Variants in CTDP1 observed in about 807,000 individuals in gnomAD.
CTDP1 encodes RNA polymerase II subunit A C-terminal domain phosphatase.
Under a neutral mutation model 91.8 loss-of-function variants are expected in CTDP1, and 47 were observed. The ratio of observed to expected loss-of-function variants is 0.51; its 90% CI spans 0.41 to 0.65. The LOEUF (loss-of-function observed/expected upper bound fraction) is 0.65. CTDP1 is among the 30% of genes least tolerant of loss of function. CTDP1 has a pLI of 0.00. For missense variants in CTDP1, 1,272 were observed against 1,373.7 expected, an observed-to-expected ratio of 0.93 and a Z score of 1.17; for synonymous variants, 656 against 598.5, an observed-to-expected ratio of 1.10 and a Z score of -1.40.
intron 7 of CTDP1, among the ~76,000 whole-genome samples, chr18:79,714,285 A>T (rs573351691): frequency 1.5e-4 from 23 of 152,266 alleles, no homozygotes; most frequent in Admixed American, 5.2e-4. Context: ...TCAGAAAAAA[A>T]TTCAATATCC....
chr18:79,736,862 TGA>T (rs1199357265), intron 12 of CTDP1, among the ~76,000 whole-genome samples: 2 of 144,608 alleles, frequency 1.4e-5, no homozygotes, highest in East Asian at 2.1e-4. Flanking sequence ...CAGGCGTGTG[TGA>T]GGTATCTACA....
intron 8 of CTDP1, among the ~76,000 whole-genome samples, chr18:79,715,793 C>T (rs1410556311): frequency 6.6e-6 from 1 of 152,178 alleles, no homozygotes; most frequent in Non-Finnish European, 1.5e-5. Flanking sequence ...TGGAGTAAGC[C>T]ATGGCCGGGT....
At chr18:79,756,131 C>G (rs1017164749), downstream of CTDP1, 4 of 152,580 alleles carry the variant, frequency 2.6e-5, no homozygotes, top group African/African-American at 9.6e-5. Flanking sequence ...GTGCTGCACA[C>G]CTTCTCCGTC....
chr18:79,729,140 C>T lies in CTDP1; in HGVS notation c.2580+71C>T, dbSNP rs573423987. On this transcript the variant is annotated intron_variant, in intron 11 of 12. Coordinates refer to ENST00000613122, the MANE Select transcript of CTDP1 (RefSeq NM_004715.5). ...GGGCCGCAGAGCTCTGGTGTGCGGG[C>T]GGATTGCTGAGCTGTGCACCTGGAG... is the stretch of plus-strand genomic sequence containing the variant. The T allele has an allele frequency of 4.4e-5, 70 of 1,596,248 alleles. No individual in the cohort carries two copies. The African/African-American group carries it at 4.7e-4, about 11-fold the overall frequency.
chr18:79,710,686 A>ATTTTTTTTTTTTTTTTT (rs11306504), intron 6 of CTDP1, among the ~76,000 whole-genome samples: 2 of 88,502 alleles, frequency 2.3e-5, no homozygotes, highest in Non-Finnish European at 4.0e-5. Flanking sequence ...TCGCCCGGCA[A>ATTTTTTTTTTTTTTTTT]TTTTTTTTTT....
At chr18:79,681,744 C>G (rs931521267) in intron 1 of CTDP1, among the ~76,000 whole-genome samples, 7 of 152,128 alleles carry the variant, frequency 4.6e-5, no homozygotes, top group African/African-American at 1.4e-4. Context: ...TCAGATGGAG[C>G]GTCTGTGTGG....
intron 1 of CTDP1, 52 bp from the exon 2 acceptor site, chr18:79,695,171 CTT>C (rs2085721351): frequency 6.4e-7 from 1 of 1,553,458 alleles, no homozygotes; most frequent in South Asian, 1.1e-5. Flanking sequence ...CTTGGGGGCT[CTT>C]TTGATAAACC....
chr18:79,701,899 T>C (rs1345856786), intron 4 of CTDP1, among the ~76,000 whole-genome samples: 1 of 152,224 alleles, frequency 6.6e-6, no homozygotes, highest in Non-Finnish European at 1.5e-5. Context: ...ATGACTGAAC[T>C]GCGGCAACTT....
Position 79,736,479 on chromosome 18 carries a change from C to G in CTDP1, c.2705C>G (p.Pro902Arg). The G allele has an allele frequency of 6.5e-7, 1 of 1,548,350 alleles. No homozygotes were observed. The highest frequency in any genetic ancestry group is 8.7e-7 in the Non-Finnish European group (1 of 1,146,638). Residue 902 changes from proline (P) to arginine (R), a missense_variant, in exon 12 of 13, where the codon CCT becomes CGT. Pro to Arg is a moderately radical substitution (Grantham distance 103). Around this residue, in one of 3 missense-constraint regions of CTDP1, gnomAD observed 881 missense variants for 911.6 expected, o/e 0.97. Transcript: ENST00000613122. ...GTRRERTLGAPASSERSAAGG... is the reference protein window; with the variant it reads ...GTRRERTLGARASSERSAAGG... Reference sequence around the variant, plus strand: ...CGCAGGGAGCGGACGCTCGGGGCACCTGCGTCCAGCGAGAGGAGCGCGGCA... The same window carrying G: ...CGCAGGGAGCGGACGCTCGGGGCACGTGCGTCCAGCGAGAGGAGCGCGGCA...
chr18:79,740,651 A>C (rs976734120), intron 12 of CTDP1, among the ~76,000 whole-genome samples: 1 of 152,144 alleles, frequency 6.6e-6, no homozygotes, highest in Non-Finnish European at 1.5e-5. Flanking sequence ...ACGTCTTGCT[A>C]ATTTCGCATG....
chr18:79,732,084 A>T (rs1421732328), intron 11 of CTDP1, among the ~76,000 whole-genome samples: 1 of 151,590 alleles, frequency 6.6e-6, no homozygotes, highest in Non-Finnish European at 1.5e-5. Context: ...AGTGCTCCCA[A>T]ATCACATGAG....
chr18:79,747,981 A>C (rs2086914630), intron 12 of CTDP1, among the ~76,000 whole-genome samples: 1 of 152,186 alleles, frequency 6.6e-6, no homozygotes, highest in Admixed American at 6.5e-5. Flanking sequence ...GGGTATACAT[A>C]TATATTATTC....
At chr18:79,688,159 G>A (rs1350175178) in intron 1 of CTDP1, among the ~76,000 whole-genome samples, 2 of 152,264 alleles carry the variant, frequency 1.3e-5, no homozygotes, top group African/African-American at 4.8e-5. Flanking sequence ...ACCAGGTGCA[G>A]AGCGTCAGCC....
In CTDP1 at chr18:79,715,501, G is replaced by A; in HGVS notation, c.2041G>A (p.Ala681Thr). 6.4e-7 allele frequency: 1 copy of A among 1,569,844 alleles called. No homozygotes were observed. Residue 681 changes from alanine (A) to threonine (T), a missense_variant, in exon 8 of 13, where the codon GCC (alanine) becomes ACC (threonine). By Grantham distance (58) the Ala-to-Thr change is moderately conservative. Transcript: ENST00000613122. The part of the protein sequence containing the change: ...LVLSPDAPDR[A>T]THLIAARAGT... ...GCTGAGCCCCGACGCCCCTGACAGG[G>A]CCACGCACCTGATCGCCGCGCGAGC...
intron 4 of CTDP1, 44 bp from the exon 5 acceptor site, chr18:79,704,723 C>G: frequency 6.2e-7 from 1 of 1,610,486 alleles, no homozygotes; most frequent in Non-Finnish European, 8.5e-7. Flanking sequence ...GCGGCCGGGG[C>G]TCCTCAGGCC....
At chr18:79,742,720 T>C (rs4799083) in intron 12 of CTDP1, among the ~76,000 whole-genome samples, 74,038 of 152,148 alleles carry the variant, frequency 0.49, 18,135 homozygotes, top group East Asian at 0.58. Flanking sequence ...CACTTTAGGA[T>C]GCCGAGGTGG....
chr18:79,736,239 T>C, intron 11 of CTDP1, 116 bp from the exon 12 acceptor site: 1 of 1,343,042 alleles, frequency 7.4e-7, no homozygotes, highest in South Asian at 1.3e-5. Context: ...AGCAGAGTGC[T>C]ACCTCCAGCC....
chr18:79,721,906 C>T (rs900150182), intron 10 of CTDP1, among the ~76,000 whole-genome samples: 2 of 151,768 alleles, frequency 1.3e-5, no homozygotes, highest in African/African-American at 2.4e-5. Flanking sequence ...TCACTGCAAC[C>T]TCCGCCTCCC....
At chr18:79,743,924 G>A (rs565651233) in intron 12 of CTDP1, among the ~76,000 whole-genome samples, 2 of 152,278 alleles carry the variant, frequency 1.3e-5, no homozygotes, top group South Asian at 2.1e-4. Context: ...CCTGCCTCCC[G>A]TTCTATCCAA....
Sources: gnomAD v4.1 joint callset for allele counts (sites outside exome capture counted in the v4.1 genomes callset) on GRCh38, gnomAD v4.1.1 for gene constraint, gnomAD v4.1.1 regional missense constraint, MANE v1.5 for transcripts, NCBI Gene and HGNC (gene_info 2026-07-23, HGNC 2026-07-21) for gene names.